Variants in PRLR observed in about 807,000 individuals in gnomAD.
PRLR encodes the protein prolactin receptor.
A neutral mutation model predicts 40.2 loss-of-function variants in PRLR; 13 were observed. The ratio of observed to expected loss-of-function variants is 0.32; its 90% CI spans 0.21 to 0.51. The LOEUF (loss-of-function observed/expected upper bound fraction) is 0.51, where lower values mean the gene tolerates loss of function less well. Among genes scored for constraint, PRLR ranks in the 20% least tolerant of loss-of-function variants. The pLI is 0.97. For synonymous variants in PRLR, 269 were observed against 278.7 expected (o/e 0.97, Z 0.35); for missense variants, 656 against 747.3 (o/e 0.88, Z 1.42).
At chr5:35,193,628 C>A (rs1381447521) in intron 1 of PRLR, among the ~76,000 whole-genome samples, 1 of 152,150 alleles carries the variant, frequency 6.6e-6, no homozygotes, top group Non-Finnish European at 1.5e-5. Flanking sequence ...CCTCTGAGAG[C>A]TACCCCCTAC....
At chr5:35,199,591 A>G (rs1401189620) in intron 1 of PRLR, among the ~76,000 whole-genome samples, 1 of 44,144 alleles carries the variant, frequency 2.3e-5, no homozygotes, top group East Asian at 2.4e-4. Flanking sequence ...TTGAAAAAAA[A>G]ATCATCATCT....
At chr5:35,225,966 G>A (rs1579821779) in intron 1 of PRLR, among the ~76,000 whole-genome samples, 1 of 152,326 alleles carries the variant, frequency 6.6e-6, no homozygotes, top group East Asian at 1.9e-4. Context: ...ACAGGCATGA[G>A]CCACCACACC....
chr5:35,119,747 A>G (rs1050545479), intron 1 of PRLR, among the ~76,000 whole-genome samples: 17 of 152,174 alleles, frequency 1.1e-4, no homozygotes, highest in Admixed American at 6.5e-4. Flanking sequence ...CCGTTCTGTC[A>G]TCTCCAAAAT....
chr5:35,153,677 A>G (rs1402088780), intron 1 of PRLR, among the ~76,000 whole-genome samples: 1 of 151,324 alleles, frequency 6.6e-6, no homozygotes, highest in Admixed American at 6.6e-5. Context: ...GTCGTTTCCC[A>G]TTTCTTGCTC....
intron 1 of PRLR, among the ~76,000 whole-genome samples, chr5:35,158,066 T>G (rs1379487320): frequency 1.3e-5 from 2 of 152,186 alleles, no homozygotes; most frequent in Non-Finnish European, 2.9e-5. Context: ...CAAAGTCAGG[T>G]CAGGCAGGGA....
intron 1 of PRLR, among the ~76,000 whole-genome samples, chr5:35,181,710 C>T (rs1775301814): frequency 6.6e-6 from 1 of 152,178 alleles, no homozygotes; most frequent in Admixed American, 6.5e-5. Flanking sequence ...AATAGATCCT[C>T]AAGCCTTCTT....
At position 35,180,968 on chromosome 5, in the gene PRLR, A is replaced by G. The variant is rs182726690; in HGVS notation, c.-106+49300T>C. Among the ~76,000 whole-genome samples, 233 of 152,304 alleles carry G rather than the reference A, an allele frequency of 1.5e-3. 1 individual carries two copies. Among genetic ancestry groups the G allele is most frequent in the Admixed American group, 3.9e-3 (60 of 15,302 alleles). On this transcript the variant is annotated intron_variant, in intron 1 of 9. Transcript: ENST00000618457. Reference sequence around the variant, plus strand: ...GGCCTAATACAGGTATGGATCTCCTACCTTCTCAATTCAAGATTGAAAGTG... The same window carrying G: ...GGCCTAATACAGGTATGGATCTCCTGCCTTCTCAATTCAAGATTGAAAGTG...
intron 1 of PRLR, among the ~76,000 whole-genome samples, chr5:35,205,443 GA>G: frequency 6.6e-6 from 1 of 152,298 alleles, no homozygotes; most frequent in East Asian, 1.9e-4. Context: ...CTTCTTCAAA[GA>G]AAGTAAGTAG....
At chr5:35,086,794 G>A (rs770545143) in intron 3 of PRLR, among the ~76,000 whole-genome samples, 11 of 151,920 alleles carry the variant, frequency 7.2e-5, no homozygotes, top group African/African-American at 1.2e-4. Flanking sequence ...TGAGCAATCC[G>A]CAGACACTCT....
chr5:35,207,203 T>C (rs2111627543), intron 1 of PRLR, among the ~76,000 whole-genome samples: 1 of 152,230 alleles, frequency 6.6e-6, no homozygotes, highest in Admixed American at 6.5e-5. Context: ...CAAATAAAAA[T>C]TAGATGCAAT....
intron 1 of PRLR, among the ~76,000 whole-genome samples, chr5:35,217,935 C>A (rs2111663107): frequency 6.6e-6 from 1 of 152,212 alleles, no homozygotes; most frequent in East Asian, 1.9e-4. Context: ...TAGGACATAC[C>A]TATATCAAAT....
chr5:35,207,387 GA>G (rs1203980948), intron 1 of PRLR, among the ~76,000 whole-genome samples: 1 of 151,684 alleles, frequency 6.6e-6, no homozygotes, highest in Non-Finnish European at 1.5e-5. Context: ...GATAATGGAA[GA>G]AAAATCCATT....
intron 1 of PRLR, among the ~76,000 whole-genome samples, chr5:35,214,997 A>G (rs10043746): frequency 6.6e-6 from 1 of 152,252 alleles, no homozygotes; most frequent in South Asian, 2.1e-4. Context: ...TCACCAGTCA[A>G]CTGTGGACCT....
intron 1 of PRLR, among the ~76,000 whole-genome samples, chr5:35,167,600 AACTG>A (rs1404003006): frequency 8.5e-5 from 13 of 152,222 alleles, no homozygotes; most frequent in Middle Eastern, 3.4e-3. Context: ...ACATTTTTTA[AACTG>A]ACTATTTAAA....
intron 1 of PRLR, among the ~76,000 whole-genome samples, chr5:35,212,679 C>T (rs1436908424): frequency 6.6e-6 from 1 of 152,072 alleles, no homozygotes; most frequent in Non-Finnish European, 1.5e-5. Context: ...GAAGCCTATT[C>T]CATTGTTTGG....
chr5:35,150,378 T>C (rs936448408), intron 1 of PRLR, among the ~76,000 whole-genome samples: 4 of 152,202 alleles, frequency 2.6e-5, no homozygotes, highest in African/African-American at 9.6e-5. Flanking sequence ...ATTGTTGAAA[T>C]GCAACGATGG....
intron 5 of PRLR, 109 bp from the exon 6 acceptor site, chr5:35,072,853 A>C: frequency 7.7e-7 from 1 of 1,295,844 alleles, no homozygotes; most frequent in Non-Finnish European, 1.0e-6. Context: ...CACTCTTCCC[A>C]CTGTACTATA....
At chr5:35,141,244 A>G in intron 1 of PRLR, among the ~76,000 whole-genome samples, 1 of 152,174 alleles carries the variant, frequency 6.6e-6, no homozygotes. Context: ...CTGAAAAAAA[A>G]AAACAAACCC....
At chr5:35,196,993 T>G (rs1775754283) in intron 1 of PRLR, among the ~76,000 whole-genome samples, 1 of 152,138 alleles carries the variant, frequency 6.6e-6, no homozygotes, top group African/African-American at 2.4e-5. Context: ...CTAATCTCAT[T>G]CATGAAGCCT....
Sources: allele counts gnomAD v4.1 joint callset (sites outside exome capture counted in the v4.1 genomes callset), GRCh38; gene constraint gnomAD v4.1.1; transcripts MANE v1.5; gene names NCBI Gene and HGNC (gene_info 2026-07-23, HGNC 2026-07-21).